Variants in MRTFA observed in about 807,000 individuals in gnomAD.
The protein encoded by MRTFA is myocardin related transcription factor A.
MRTFA carries 20 observed loss-of-function variants against 83.5 expected under a neutral mutation model. That is an observed-to-expected ratio of 0.24 (90% CI 0.17 to 0.35). The LOEUF (loss-of-function observed/expected upper bound fraction) is 0.35, where lower values mean the gene tolerates loss of function less well. Ranked by LOEUF, MRTFA falls within the 10% of genes least tolerant of loss-of-function variation. The probability of loss-of-function intolerance (pLI) is 1.00; values close to 1 mark genes in which losing one functional copy is unlikely to be tolerated. For missense variants in MRTFA, 1,200 were observed against 1,224.7 expected (o/e 0.98, Z 0.30); for synonymous variants, 659 against 541.2 (o/e 1.22, Z -3.02).
At chr22:40,621,667 T>C (rs2056524631) in intron 1 of MRTFA, among the ~76,000 whole-genome samples, 1 of 152,110 alleles carries the variant, frequency 6.6e-6, no homozygotes, top group Non-Finnish European at 1.5e-5. Context: ...CAGTTGCAAA[T>C]ATATGCTTCT....
At chr22:40,466,969 G>GTA (rs3044527) in intron 3 of MRTFA, among the ~76,000 whole-genome samples, 59,340 of 149,746 alleles carry the variant, frequency 0.4, 12,322 homozygotes, top group East Asian at 0.62. Context: ...TATTATGCAT[G>GTA]TATATATATA....
At chr22:40,421,145 C>T in intron 9 of MRTFA, 45 bp from the exon 10 acceptor site, 2 of 1,504,702 alleles carry the variant, frequency 1.3e-6, no homozygotes, top group Non-Finnish European at 1.8e-6. Flanking sequence ...CAGCCTCAGG[C>T]TTCTCGGGGT....
At chr22:40,554,883 C>T (rs1405385358) in intron 2 of MRTFA, among the ~76,000 whole-genome samples, 111 of 152,206 alleles carry the variant, frequency 7.3e-4, no homozygotes, top group Non-Finnish European at 4.4e-5. Flanking sequence ...CTTTGGGAAC[C>T]CCTCCCTTTA....
intron 3 of MRTFA, among the ~76,000 whole-genome samples, chr22:40,488,925 A>G (rs1444885289): frequency 6.6e-6 from 1 of 152,200 alleles, no homozygotes; most frequent in African/African-American, 2.4e-5. Context: ...ATATTGTGTT[A>G]TATCAATACC....
At chr22:40,432,230 G>A (rs1022529215) in intron 5 of MRTFA, among the ~76,000 whole-genome samples, 6 of 151,886 alleles carry the variant, frequency 4.0e-5, no homozygotes, top group Admixed American at 6.6e-5. Context: ...TGGGCAACAA[G>A]AGCGAAACTC....
intron 3 of MRTFA, among the ~76,000 whole-genome samples, chr22:40,485,622 C>T (rs1222864964): frequency 6.6e-6 from 1 of 152,150 alleles, no homozygotes; most frequent in Non-Finnish European, 1.5e-5. Context: ...TACATGAATG[C>T]GGCCTAAATT....
chr22:40,450,635 T>C (rs944760420), intron 4 of MRTFA, among the ~76,000 whole-genome samples: 2 of 150,508 alleles, frequency 1.3e-5, no homozygotes, highest in African/African-American at 4.9e-5. Flanking sequence ...TTTTTTTTTT[T>C]AAAGTAGAAA....
At chr22:40,454,102 G>A (rs2053543402) in intron 4 of MRTFA, among the ~76,000 whole-genome samples, 1 of 152,180 alleles carries the variant, frequency 6.6e-6, no homozygotes, top group Non-Finnish European at 1.5e-5. Flanking sequence ...GTAAAATTAA[G>A]AACTGTATTT....
intron 2 of MRTFA, among the ~76,000 whole-genome samples, chr22:40,565,681 C>A (rs1472162825): frequency 6.6e-6 from 1 of 152,102 alleles, no homozygotes; most frequent in African/African-American, 2.4e-5. Flanking sequence ...CTTTCTTGGG[C>A]CTACATTATA....
At chr22:40,507,739 T>C (rs1169211929) in intron 3 of MRTFA, among the ~76,000 whole-genome samples, 1 of 151,602 alleles carries the variant, frequency 6.6e-6, no homozygotes, top group Non-Finnish European at 1.5e-5. Flanking sequence ...CCAAGGTGGG[T>C]GGATCACGAG....
Position 40,502,726 on chromosome 22 carries a change from G to A in MRTFA, c.242-39440C>T, listed in dbSNP as rs866842143. Among the ~76,000 whole-genome samples the A allele has an allele frequency of 1.3e-3, 203 of 151,610 alleles. 2 individuals carry two copies. The highest frequency in any genetic ancestry group is 4.6e-3 in the African/African-American group (189 of 41,350). ...CGGCTGCTCCTTGCCCTCGGGCCCC[G>A]CGGGGCCCGTCTGCTTCTCCAGCCG... On this transcript the variant is annotated intron_variant, in intron 3 of 14. Coordinates refer to ENST00000355630, the MANE Select transcript of MRTFA (RefSeq NM_020831.6).
chr22:40,563,978 A>G (rs965475024), intron 2 of MRTFA, among the ~76,000 whole-genome samples: 2 of 152,132 alleles, frequency 1.3e-5, no homozygotes, highest in Non-Finnish European at 1.5e-5. Context: ...TGATATCCTG[A>G]ATTGGGGTAG....
chr22:40,489,018 C>T (rs1011768429), intron 3 of MRTFA, among the ~76,000 whole-genome samples: 3 of 151,908 alleles, frequency 2.0e-5, no homozygotes, highest in South Asian at 2.1e-4. Context: ...AAAACACCAA[C>T]GTTTCATGAT....
intron 2 of MRTFA, among the ~76,000 whole-genome samples, chr22:40,571,016 CCT>C (rs2055782952): frequency 8.7e-6 from 1 of 114,968 alleles, no homozygotes; most frequent in African/African-American, 3.3e-5. Flanking sequence ...ATAGTGAATC[CCT>C]GTCTCTACAA....
chr22:40,629,487 G>C (rs1487412768), intron 1 of MRTFA, among the ~76,000 whole-genome samples: 1 of 148,670 alleles, frequency 6.7e-6, no homozygotes, highest in Non-Finnish European at 1.5e-5. Context: ...AGCAGGCCAG[G>C]CACAGTGGCT....
At chr22:40,588,673 A>G (rs1226104002) in intron 2 of MRTFA, among the ~76,000 whole-genome samples, 2 of 152,126 alleles carry the variant, frequency 1.3e-5, no homozygotes, top group Admixed American at 6.6e-5. Flanking sequence ...ACCATTTCCA[A>G]CGTACACATT....
chr22:40,593,605 C>A (rs954841811), intron 2 of MRTFA, among the ~76,000 whole-genome samples: 4 of 152,188 alleles, frequency 2.6e-5, no homozygotes, highest in Non-Finnish European at 1.5e-5. Context: ...TAACTTTAAT[C>A]TACCGTCTCC....
chr22:40,569,611 C>A (rs1303812829), intron 2 of MRTFA, among the ~76,000 whole-genome samples: 1 of 152,082 alleles, frequency 6.6e-6, no homozygotes, highest in African/African-American at 2.4e-5. Context: ...GTAATCTCAG[C>A]TACTCAGGAG....
intron 3 of MRTFA, among the ~76,000 whole-genome samples, chr22:40,476,005 G>A (rs1456347611): frequency 7.2e-5 from 11 of 152,088 alleles, no homozygotes; most frequent in South Asian, 2.1e-4. Flanking sequence ...TGAGCCAGGC[G>A]TGGTGGCGGG....
Sources: gnomAD v4.1 joint callset for allele counts (sites outside exome capture counted in the v4.1 genomes callset) on GRCh38, gnomAD v4.1.1 for gene constraint, MANE v1.5 for transcripts, NCBI Gene and HGNC (gene_info 2026-07-23, HGNC 2026-07-21) for gene names.